Variants in SMOC2 observed in about 807,000 individuals in gnomAD.
SMOC2 encodes the protein SPARC-related modular calcium-binding protein 2.
In SMOC2, 39 loss-of-function variants were observed where a neutral mutation model predicts 61.4. That is an observed-to-expected ratio of 0.64 (90% CI 0.49 to 0.83). SMOC2 has a LOEUF of 0.83. Among genes scored for constraint, SMOC2 ranks in the 40% least tolerant of loss-of-function variants. The pLI, the probability that SMOC2 is intolerant of heterozygous loss-of-function variation, is 0.00. For missense variants in SMOC2, 556 were observed against 592.9 expected, an observed-to-expected ratio of 0.94 and a Z score of 0.65; for synonymous variants, 247 against 239.9, an observed-to-expected ratio of 1.03 and a Z score of -0.27.
intron 4 of SMOC2, among the ~76,000 whole-genome samples, chr6:168,540,909 G>A (rs1318706074): frequency 6.6e-6 from 1 of 152,114 alleles, no homozygotes; most frequent in Admixed American, 6.5e-5. Flanking sequence ...CGTCTGTGCC[G>A]CAGACCTCCC....
intron 8 of SMOC2, among the ~76,000 whole-genome samples, chr6:168,599,989 T>A (rs781470857): frequency 8.7e-5 from 13 of 150,024 alleles, no homozygotes; most frequent in East Asian, 5.8e-4. Flanking sequence ...ACACACACAC[T>A]CACACACAGT....
At chr6:168,586,254 T>C (rs1222501623) in intron 7 of SMOC2, among the ~76,000 whole-genome samples, 1 of 152,232 alleles carries the variant, frequency 6.6e-6, no homozygotes, top group East Asian at 1.9e-4. Context: ...CCCTTTCTTA[T>C]TGAATTGTTT....
chr6:168,605,180 T>C (rs1260658556), intron 8 of SMOC2, among the ~76,000 whole-genome samples: 1 of 152,186 alleles, frequency 6.6e-6, no homozygotes, highest in African/African-American at 2.4e-5. Context: ...TTTGTCTGTC[T>C]GCCATCCAAC....
rs144317852 is a variant in SMOC2 at position 168,511,811 on chromosome 6, G to GTTTTTTTTTTTTTTTTTTTTTTTTT, written c.256+1727_256+1728insTTTTTTTTTTTTTTTTTTTTTTTTT. ...GACAAATGGCTATTCATTATCAAGG[G>GTTTTTTTTTTTTTTTTTTTTTTTTT]TTGTTTTTTTTTTTTTTTCTGAAAT... is the stretch of plus-strand genomic sequence containing the variant. On this transcript the variant is annotated intron_variant, in intron 2 of 12. Coordinates refer to ENST00000356284, the MANE Select transcript of SMOC2 (RefSeq NM_001166412.2). Among the ~76,000 whole-genome samples, 3 of 130,734 alleles carry GTTTTTTTTTTTTTTTTTTTTTTTTT rather than the reference G, an allele frequency of 2.3e-5. 1 individual carries two copies. Among genetic ancestry groups the GTTTTTTTTTTTTTTTTTTTTTTTTT allele is most frequent in the Non-Finnish European group, 3.2e-5 (2 of 62,640 alleles). 85.8% of individuals were successfully genotyped at this position (130,734 alleles called of 152,430 possible). A position where few individuals can be genotyped will look rare whatever the true frequency, so the allele number is the denominator to read the frequency against.
At chr6:168,620,453 T>A (rs1314348298) in intron 9 of SMOC2, among the ~76,000 whole-genome samples, 1 of 152,174 alleles carries the variant, frequency 6.6e-6, no homozygotes, top group East Asian at 1.9e-4. Flanking sequence ...ATTGCAGGTT[T>A]ATGACCCTGG....
intron 9 of SMOC2, among the ~76,000 whole-genome samples, chr6:168,647,524 C>T (rs912823043): frequency 6.6e-5 from 10 of 152,210 alleles, no homozygotes; most frequent in African/African-American, 2.2e-4. Flanking sequence ...ATCACCGTGC[C>T]GGACACAGCT....
chr6:168,595,697 C>T (rs950156935), intron 7 of SMOC2, among the ~76,000 whole-genome samples: 5 of 152,226 alleles, frequency 3.3e-5, no homozygotes, highest in African/African-American at 1.2e-4. Context: ...TAACAGCCCT[C>T]ATCAACCACG....
intron 2 of SMOC2, among the ~76,000 whole-genome samples, chr6:168,524,951 A>G (rs1208910573): frequency 1.3e-5 from 2 of 152,100 alleles, no homozygotes; most frequent in African/African-American, 4.8e-5. Flanking sequence ...AGGGCTGGTA[A>G]TCGGATCGCA....
chr6:168,656,339 C>T (rs188095313), intron 11 of SMOC2, among the ~76,000 whole-genome samples: 244 of 151,790 alleles, frequency 1.6e-3, no homozygotes, highest in African/African-American at 5.4e-3. Flanking sequence ...AGTGAAACCT[C>T]ATCTCTACTA....
At chr6:168,636,984 C>T (rs1361065135) in intron 9 of SMOC2, among the ~76,000 whole-genome samples, 1 of 148,480 alleles carries the variant, frequency 6.7e-6, no homozygotes, top group Non-Finnish European at 1.5e-5. Context: ...TGCTTTCCTC[C>T]CTCCTCCCGC....
At chr6:168,614,159 C>T (rs1785979592) in intron 9 of SMOC2, among the ~76,000 whole-genome samples, 1 of 74,516 alleles carries the variant, frequency 1.3e-5, no homozygotes, top group Non-Finnish European at 2.6e-5. Context: ...CTCTTCACAC[C>T]TACAGCCAGC....
intron 8 of SMOC2, among the ~76,000 whole-genome samples, chr6:168,599,811 C>CTCCA (rs145727727): frequency 5.5e-5 from 5 of 91,042 alleles, no homozygotes; most frequent in Admixed American, 4.0e-4. Context: ...CACATTCACC[C>CTCCA]CACACACACA....
chr6:168,595,424 T>A (rs1255869872), intron 7 of SMOC2, among the ~76,000 whole-genome samples: 7 of 152,184 alleles, frequency 4.6e-5, no homozygotes, highest in Non-Finnish European at 7.3e-5. Flanking sequence ...CTTTATAGAA[T>A]AAGGACTTGT....
rs187737002 is a variant in SMOC2 at position 168,463,083 on chromosome 6, G to C, written c.84+21629G>C. Among the ~76,000 whole-genome samples the C allele has an allele frequency of 1.2e-3, 180 of 152,354 alleles. 1 individual carries two copies. The highest frequency in any genetic ancestry group is 4.3e-3 in the African/African-American group (177 of 41,580). ...ACAGGGGAGTTGGAGCCTGGCTTTC[G>C]TGGAGCACTTGCTCAGCGAGCCGTG... On this transcript the variant is annotated intron_variant, in intron 1 of 12. Coordinates refer to ENST00000356284, the MANE Select transcript of SMOC2 (RefSeq NM_001166412.2).
chr6:168,541,436 C>T (rs1475915135), intron 4 of SMOC2, among the ~76,000 whole-genome samples: 1 of 152,212 alleles, frequency 6.6e-6, no homozygotes, highest in Non-Finnish European at 1.5e-5. Flanking sequence ...GTTATAAACA[C>T]TTGGAAGTTC....
chr6:168,664,087 T>C lies in SMOC2; in HGVS notation c.1299T>C (p.His433=), dbSNP rs1190871788. 1 of 1,605,450 alleles carries C rather than the reference T, an allele frequency of 6.2e-7. No individual in the cohort carries two copies. The highest frequency in any genetic ancestry group is 8.5e-7 in the Non-Finnish European group (1 of 1,177,502). ...TTTTCCTGCTAGCCCCCAGAGGTCA[T>C]GCTGAAAGTACGTCTAATAGACAGG... ...DTKKRHTPRG[H]AESTSNRQPR... The change falls in exon 12 of 13, where the codon CAT becomes CAC. Residue 433 remains histidine (H), a synonymous_variant. Transcript: ENST00000356284.
chr6:168,653,293 CT>C lies in SMOC2; in HGVS notation c.1285+66del, dbSNP rs572722520. On this transcript the variant is annotated intron_variant, in intron 11 of 12. Coordinates refer to ENST00000356284, the MANE Select transcript of SMOC2 (RefSeq NM_001166412.2). ...GCCCTGAGGCCTGGGAGGTCTGCTT[CT>C]CACAAACACAATTACAGATTGTGTT... The C allele has an allele frequency of 1.2e-4, 188 of 1,536,250 alleles. No homozygotes were observed. The East Asian group carries it at 4.1e-3, about 33-fold the overall frequency.
At chr6:168,664,779 G>A (rs1412222294) in intron 12 of SMOC2, 1 of 471,106 alleles carries the variant, frequency 2.1e-6, no homozygotes, top group South Asian at 1.5e-5. Context: ...ACAACCCATC[G>A]CAAGTCAAGA....
chr6:168,590,965 A>G (rs1403551405), intron 7 of SMOC2, among the ~76,000 whole-genome samples: 1 of 152,232 alleles, frequency 6.6e-6, no homozygotes, highest in Non-Finnish European at 1.5e-5. Context: ...AAGTTGTTAC[A>G]TGGTTATAAA....
Sources: allele counts gnomAD v4.1 joint callset (sites outside exome capture counted in the v4.1 genomes callset), GRCh38; gene constraint gnomAD v4.1.1; transcripts MANE v1.5; gene names NCBI Gene and HGNC (gene_info 2026-07-23, HGNC 2026-07-21).